DPP10: variants seen among roughly 807,000 people sequenced by gnomAD.
The protein encoded by DPP10 is inactive dipeptidyl peptidase 10.
In DPP10, 33 loss-of-function variants were observed where a neutral mutation model predicts 120.9. The ratio of observed to expected loss-of-function variants is 0.27; its 90% CI spans 0.21 to 0.37. The LOEUF is 0.37. Ranked by LOEUF, DPP10 falls within the 10% of genes least tolerant of loss-of-function variation. The pLI is 1.00. For missense variants in DPP10, 816 were observed against 942.8 expected (o/e 0.87, Z 1.76); for synonymous variants, 337 against 326.1 (o/e 1.03, Z -0.36).
At chr2:115,822,337 A>G (rs1483843163) in intron 21 of DPP10, among the ~76,000 whole-genome samples, 1 of 151,976 alleles carries the variant, frequency 6.6e-6, no homozygotes, top group Non-Finnish European at 1.5e-5. Context: ...TCCTTATATC[A>G]TATCTTAACA....
intron 1 of DPP10, among the ~76,000 whole-genome samples, chr2:114,501,293 GA>G (rs1429403974): frequency 6.6e-6 from 1 of 152,150 alleles, no homozygotes; most frequent in East Asian, 1.9e-4. Context: ...AAATATATGT[GA>G]AACACCTGTC....
At chr2:114,770,770 C>T (rs570265593) in intron 1 of DPP10, among the ~76,000 whole-genome samples, 28 of 152,202 alleles carry the variant, frequency 1.8e-4, no homozygotes, top group African/African-American at 6.5e-4. Context: ...CCTTGAGTCC[C>T]GCTATAGAAT....
chr2:114,508,705 G>A (rs901002551), intron 1 of DPP10, among the ~76,000 whole-genome samples: 6 of 151,898 alleles, frequency 4.0e-5, no homozygotes, highest in African/African-American at 7.3e-5. Context: ...TAATAAAGCC[G>A]ACTTTCATTT....
chr2:114,856,801 G>GTTA (rs1021877248), intron 1 of DPP10, among the ~76,000 whole-genome samples: 17 of 152,162 alleles, frequency 1.1e-4, no homozygotes, highest in African/African-American at 3.9e-4. Context: ...TATTTACTTT[G>GTTA]TTATAACTCA....
At chr2:114,563,296 T>C (rs1688919525) in intron 1 of DPP10, among the ~76,000 whole-genome samples, 1 of 150,842 alleles carries the variant, frequency 6.6e-6, no homozygotes, top group Admixed American at 6.6e-5. Flanking sequence ...CACTTGAACC[T>C]GGGAGGCAGA....
intron 1 of DPP10, among the ~76,000 whole-genome samples, chr2:114,720,698 T>G (rs1257610732): frequency 1.3e-5 from 2 of 152,222 alleles, no homozygotes; most frequent in Admixed American, 6.5e-5. Context: ...AAATGACTAG[T>G]GCTCACCCAT....
intron 5 of DPP10, among the ~76,000 whole-genome samples, chr2:115,600,634 G>A (rs953018629): frequency 3.3e-5 from 5 of 152,144 alleles, no homozygotes; most frequent in Non-Finnish European, 7.4e-5. Context: ...TTAAGAATAG[G>A]CCACTTGTAA....
chr2:115,812,969 T>C (rs1387179558), intron 19 of DPP10, among the ~76,000 whole-genome samples: 1 of 119,072 alleles, frequency 8.4e-6, no homozygotes, highest in African/African-American at 3.5e-5. Flanking sequence ...ATATCTTTTT[T>C]TTTTTTTTTT....
intron 1 of DPP10, among the ~76,000 whole-genome samples, chr2:114,552,104 C>T (rs149145123): frequency 9.9e-5 from 15 of 152,194 alleles, no homozygotes; most frequent in Admixed American, 2.0e-4. Flanking sequence ...GTGGAAGGAA[C>T]ATGGATTTTG....
chr2:115,441,817 CTTTTTTTTTTTT>C (rs561102084), intron 3 of DPP10, among the ~76,000 whole-genome samples: 30 of 124,480 alleles, frequency 2.4e-4, no homozygotes, highest in Admixed American at 2.0e-3. Context: ...TTCTTTCTTT[CTTTTTTTTTTTT>C]TTTTTTTGAC....
intron 5 of DPP10, among the ~76,000 whole-genome samples, chr2:115,544,536 T>A (rs1426457614): frequency 6.6e-6 from 1 of 152,046 alleles, no homozygotes; most frequent in Non-Finnish European, 1.5e-5. Flanking sequence ...ATTTTGTATT[T>A]GTCCCTGAGT....
intron 1 of DPP10, among the ~76,000 whole-genome samples, chr2:114,993,364 CTTT>C (rs34821521): frequency 6.8e-6 from 1 of 147,604 alleles, no homozygotes; most frequent in African/African-American, 2.5e-5. Context: ...GTGAATAATA[CTTT>C]TTTTTTTTTC....
chr2:115,021,352 A>G (rs1249097274), intron 1 of DPP10, among the ~76,000 whole-genome samples: 36 of 152,142 alleles, frequency 2.4e-4, no homozygotes, highest in Admixed American at 2.4e-3. Context: ...ACTGATACAC[A>G]GAAATACAAA....
intron 5 of DPP10, among the ~76,000 whole-genome samples, chr2:115,570,445 A>G (rs1308931809): frequency 6.6e-6 from 1 of 152,234 alleles, no homozygotes; most frequent in Non-Finnish European, 1.5e-5. Context: ...AGGGTAAAAT[A>G]TATGGTTGAG....
intron 3 of DPP10, among the ~76,000 whole-genome samples, chr2:115,475,666 G>A (rs529367033): frequency 2.0e-4 from 30 of 152,308 alleles, no homozygotes; most frequent in African/African-American, 5.3e-4. Context: ...GGCACTCAAC[G>A]CCAGCCCATG....
intron 1 of DPP10, among the ~76,000 whole-genome samples, chr2:115,146,856 A>G (rs149429147): frequency 6.6e-6 from 1 of 152,284 alleles, no homozygotes; most frequent in African/African-American, 2.4e-5. Flanking sequence ...TGCCACCTAT[A>G]AACTAGAAAG....
intron 2 of DPP10, among the ~76,000 whole-genome samples, chr2:115,319,569 A>G (rs1223626806): frequency 1.3e-5 from 2 of 152,174 alleles, no homozygotes; most frequent in African/African-American, 2.4e-5. Flanking sequence ...CTTACTCATT[A>G]TAGGTCTGTT....
intron 1 of DPP10, among the ~76,000 whole-genome samples, chr2:115,167,474 A>T (rs1335875344): frequency 1.3e-5 from 2 of 151,956 alleles, no homozygotes; most frequent in Non-Finnish European, 2.9e-5. Flanking sequence ...GGGTTTAGTG[A>T]CATACTCCTG....
chr2:115,317,727 C>CT (rs2061865013), intron 2 of DPP10, among the ~76,000 whole-genome samples: 2 of 150,722 alleles, frequency 1.3e-5, no homozygotes, highest in East Asian at 3.9e-4. Context: ...ACTATGTTGA[C>CT]TGAGTATCTT....
Sources: gnomAD v4.1 joint callset for allele counts (sites outside exome capture counted in the v4.1 genomes callset) on GRCh38, gnomAD v4.1.1 for gene constraint, MANE v1.5 for transcripts, NCBI Gene and HGNC (gene_info 2026-07-23, HGNC 2026-07-21) for gene names.